Variants in C11orf65 observed in about 807,000 individuals in gnomAD.
The protein encoded by C11orf65 is protein MFI.
In C11orf65, 38 loss-of-function variants were observed where a neutral mutation model predicts 35.3. That is an observed-to-expected ratio of 1.08 (90% CI 0.83 to 1.41). The LOEUF is 1.41. Among genes scored for constraint, C11orf65 ranks in the 40% most tolerant of loss-of-function variants. C11orf65 has a pLI of 0.00. For synonymous variants in C11orf65, 105 were observed against 114.4 expected, an observed-to-expected ratio of 0.92 and a Z score of 0.53; for missense variants, 370 against 367.1, an observed-to-expected ratio of 1.01 and a Z score of -0.06.
chr11:108,443,005 C>A (rs533938093), intron 2 of C11orf65, among the ~76,000 whole-genome samples: 18 of 152,278 alleles, frequency 1.2e-4, no homozygotes, highest in African/African-American at 4.3e-4. Context: ...AATGCTCCAA[C>A]TAAAAGACAC....
chr11:108,345,608 G>C (rs955562455), intron 2 of C11orf65: 2 of 714,094 alleles, frequency 2.8e-6, no homozygotes, highest in African/African-American at 3.6e-5. Flanking sequence ...TGTCCAGACT[G>C]TTAGCTTCTT....
chr11:108,336,030 C>T, intron 2 of C11orf65: 1 of 1,201,220 alleles, frequency 8.3e-7, no homozygotes, highest in Non-Finnish European at 1.2e-6. Context: ...GGTGAAGTGG[C>T]TCATGCCCAT....
Position 108,321,534 on chromosome 11 carries a change from G to C in C11orf65, c.641-12463C>G. 8.0e-6 allele frequency: 12 copies of C among 1,493,672 alleles called. No homozygotes were observed. In the South Asian group the frequency reaches 1.4e-4, roughly 17 times the overall value. The allele number at this position is 1,493,672 out of a possible 1,614,324, so 92.5% of individuals were successfully genotyped here. A position where few individuals can be genotyped will look rare whatever the true frequency, so the allele number is the denominator to read the frequency against. On this transcript the variant is annotated intron_variant, in intron 6 of 6. Transcript: ENST00000525729. ...ACGGTGGCTCATGCCTGTAATCCTA[G>C]CACTTTAGAAGGCTGAAGTGGGTGG...
chr11:108,439,827 T>A (rs534488447), intron 2 of C11orf65, among the ~76,000 whole-genome samples: 1 of 152,256 alleles, frequency 6.6e-6, no homozygotes, highest in East Asian at 1.9e-4. Context: ...AGGTTTTTGT[T>A]TAATGGGTAC....
chr11:108,394,304 G>A (rs1258500382), intron 6 of C11orf65, among the ~76,000 whole-genome samples: 6 of 151,934 alleles, frequency 3.9e-5, no homozygotes, highest in Admixed American at 6.6e-5. Context: ...AGTGGCTCAA[G>A]CCTGTAATCC....
chr11:108,406,454 A>C (rs906734353), intron 5 of C11orf65, among the ~76,000 whole-genome samples: 3 of 152,160 alleles, frequency 2.0e-5, no homozygotes, highest in Non-Finnish European at 4.4e-5. Context: ...CTTAGTGTTA[A>C]TATATTCAAC....
At chr11:108,315,622 T>C (rs2084558616) in intron 6 of C11orf65, among the ~76,000 whole-genome samples, 2 of 152,200 alleles carry the variant, frequency 1.3e-5, no homozygotes, top group South Asian at 4.1e-4. Flanking sequence ...AAAATCCACA[T>C]ATAAGTTGTC....
intron 2 of C11orf65, among the ~76,000 whole-genome samples, chr11:108,446,710 A>G (rs1299392652): frequency 6.6e-6 from 1 of 152,224 alleles, no homozygotes; most frequent in African/African-American, 2.4e-5. Context: ...AAGGCTAGGA[A>G]GAAACTGCAT....
Position 108,406,905 on chromosome 11 carries a change from A to G in C11orf65, c.287T>C (p.Leu96Pro), listed in dbSNP as rs1395568856. 3.1e-6 allele frequency: 5 copies of G among 1,612,886 alleles called. No individual in the cohort carries two copies. Among genetic ancestry groups the G allele is most frequent in the Non-Finnish European group, 4.2e-6 (5 of 1,179,022 alleles). The change falls in exon 5 of 9, where the codon CTC becomes CCC. Residue 96 changes from leucine to proline, a missense_variant. Coordinates refer to ENST00000393084, the MANE Select transcript of C11orf65 (RefSeq NM_152587.5). ...KIFTHRPIED[L>P]CANSPRNYAK... ...ATAATTTCTAGGGCTGTTAGCACAG[A>G]GATCTTCAATAGGTCTGTGAGTAAA...
intron 2 of C11orf65, among the ~76,000 whole-genome samples, chr11:108,338,763 ATTTC>A (rs1216096643): frequency 6.6e-6 from 1 of 152,210 alleles, no homozygotes; most frequent in Non-Finnish European, 1.5e-5. Context: ...AGGTTTGACT[ATTTC>A]TTAGAATTAC....
At chr11:108,435,721 T>C (rs536375438) in intron 2 of C11orf65, among the ~76,000 whole-genome samples, 6 of 152,350 alleles carry the variant, frequency 3.9e-5, no homozygotes, top group Admixed American at 3.9e-4. Context: ...GTATTTCTTC[T>C]ATATATCTGC....
In C11orf65 at chr11:108,424,064, G is replaced by A. The variant is rs150249071; in HGVS notation, c.174+7682C>T. On this transcript the variant is annotated intron_variant, in intron 3 of 8. Transcript: ENST00000393084. ...AAACTGGACAGAGAATGAGTTAGAC[G>A]AATTGACAGAAGTAGGCTTTAGAAG... Among the ~76,000 whole-genome samples, 129 of 152,256 alleles carry A rather than the reference G, an allele frequency of 8.5e-4. 1 individual carries two copies. The highest frequency in any genetic ancestry group is 2.7e-3 in the African/African-American group (112 of 41,556).
intron 2 of C11orf65, among the ~76,000 whole-genome samples, chr11:108,360,594 C>T (rs2090607720): frequency 6.7e-6 from 1 of 148,790 alleles, no homozygotes; most frequent in Non-Finnish European, 1.5e-5. Flanking sequence ...AAAGCTTATC[C>T]ACCATGATCC....
intron 2 of C11orf65, chr11:108,343,500 A>G: frequency 4.4e-6 from 5 of 1,135,634 alleles, no homozygotes; most frequent in Non-Finnish European, 5.0e-6. Context: ...GATACTAAGT[A>G]AAAGAAAAAC....
At chr11:108,350,212 C>T (rs1166917166) in intron 2 of C11orf65, among the ~76,000 whole-genome samples, 1 of 152,056 alleles carries the variant, frequency 6.6e-6, no homozygotes, top group Non-Finnish European at 1.5e-5. Flanking sequence ...TCCAGCAGTC[C>T]TCAACATCCT....
intron 3 of C11orf65, among the ~76,000 whole-genome samples, chr11:108,427,856 A>G (rs1591531916): frequency 3.1e-5 from 2 of 64,570 alleles, no homozygotes; most frequent in African/African-American, 6.4e-5. Context: ...TTTGAGACAG[A>G]GTCTCGCTCT....
chr11:108,427,823 A>ATT (rs2092927356), intron 3 of C11orf65, among the ~76,000 whole-genome samples: 8 of 116,148 alleles, frequency 6.9e-5, no homozygotes, highest in African/African-American at 2.0e-4. Context: ...TAGAATGGCA[A>ATT]TCTTTTTTTT....
intron 2 of C11orf65, among the ~76,000 whole-genome samples, chr11:108,459,912 T>C (rs1008256878): frequency 6.6e-6 from 1 of 152,070 alleles, no homozygotes; most frequent in East Asian, 1.9e-4. Context: ...CTGCAAACGA[T>C]AGAAAAGCTT....
intron 2 of C11orf65, among the ~76,000 whole-genome samples, chr11:108,445,506 A>C (rs1317080234): frequency 6.6e-6 from 1 of 152,200 alleles, no homozygotes; most frequent in Non-Finnish European, 1.5e-5. Flanking sequence ...ATACCCAGGC[A>C]AACAGGGTCT....
Sources: gnomAD v4.1 joint callset for allele counts (sites outside exome capture counted in the v4.1 genomes callset) on GRCh38, gnomAD v4.1.1 for gene constraint, MANE v1.5 for transcripts, NCBI Gene and HGNC (gene_info 2026-07-23, HGNC 2026-07-21) for gene names.